The following KCNQ5 variants were observed in gnomAD, a reference collection of about 807,000 sequenced individuals.
The protein encoded by KCNQ5 is potassium voltage-gated channel subfamily KQT member 5.
KCNQ5 carries 30 observed loss-of-function variants against 98.2 expected under a neutral mutation model. The ratio of observed to expected loss-of-function variants is 0.31; its 90% CI spans 0.23 to 0.41. The LOEUF (loss-of-function observed/expected upper bound fraction) is 0.41. KCNQ5 is among the 10% of genes least tolerant of loss of function. The pLI is 1.00. For synonymous variants in KCNQ5, 458 were observed against 449.4 expected (o/e 1.02, Z -0.24); for missense variants, 835 against 1,182.5 (o/e 0.71, Z 4.31).
intron 1 of KCNQ5, among the ~76,000 whole-genome samples, chr6:72,926,163 G>A (rs990883905): frequency 6.6e-6 from 1 of 152,030 alleles, no homozygotes; most frequent in Non-Finnish European, 1.5e-5. Context: ...GCCTTCAGGG[G>A]TCCACCCTCA....
At chr6:73,168,026 T>TC (rs1777868721) in intron 10 of KCNQ5, among the ~76,000 whole-genome samples, 1 of 152,204 alleles carries the variant, frequency 6.6e-6, no homozygotes. Context: ...GGTAGTAGTT[T>TC]CATCTCTCTC....
chr6:72,741,904 G>T (rs567303774), intron 1 of KCNQ5, among the ~76,000 whole-genome samples: 6 of 152,264 alleles, frequency 3.9e-5, no homozygotes, highest in African/African-American at 1.2e-4. Context: ...TAACTCCATT[G>T]TCCCCTAAGT....
intron 1 of KCNQ5, among the ~76,000 whole-genome samples, chr6:72,920,291 CA>C (rs1017988449): frequency 2.0e-5 from 3 of 151,728 alleles, no homozygotes; most frequent in African/African-American, 7.3e-5. Flanking sequence ...GACACTATAT[CA>C]AAAAAAGGGG....
At chr6:72,778,380 A>T (rs1205324033) in intron 1 of KCNQ5, among the ~76,000 whole-genome samples, 1 of 152,008 alleles carries the variant, frequency 6.6e-6, no homozygotes, top group East Asian at 1.9e-4. Context: ...CTACCAAAAA[A>T]TATAAAAATT....
chr6:72,688,935 A>G (rs2154474150), intron 1 of KCNQ5, among the ~76,000 whole-genome samples: 1 of 152,330 alleles, frequency 6.6e-6, no homozygotes, highest in East Asian at 1.9e-4. Context: ...TTCATGTCAA[A>G]ACAGAGCACA....
intron 1 of KCNQ5, among the ~76,000 whole-genome samples, chr6:72,948,955 T>C (rs1766671812): frequency 6.6e-6 from 1 of 152,210 alleles, no homozygotes; most frequent in Non-Finnish European, 1.5e-5. Context: ...AAAAACACTT[T>C]TTTTATTTTT....
intron 1 of KCNQ5, among the ~76,000 whole-genome samples, chr6:72,880,060 T>C (rs541281930): frequency 1.9e-4 from 29 of 152,270 alleles, no homozygotes; most frequent in African/African-American, 6.0e-4. Context: ...CTCCATATGA[T>C]AATCAAATCA....
chr6:72,868,358 C>CTCATGAAAATCATTAT (rs1778076185), intron 1 of KCNQ5, among the ~76,000 whole-genome samples: 1 of 152,162 alleles, frequency 6.6e-6, no homozygotes, highest in African/African-American at 2.4e-5. Flanking sequence ...ATAAAATCAG[C>CTCATGAAAATCATTAT]TTCCTCAAAA....
At chr6:72,851,982 G>A (rs1391264090) in intron 1 of KCNQ5, among the ~76,000 whole-genome samples, 3 of 151,966 alleles carry the variant, frequency 2.0e-5, no homozygotes, top group Admixed American at 2.0e-4. Context: ...ATAGTTCACT[G>A]CATATATAAC....
intron 3 of KCNQ5, among the ~76,000 whole-genome samples, chr6:73,072,753 C>G (rs953664831): frequency 6.6e-6 from 1 of 152,136 alleles, no homozygotes; most frequent in East Asian, 1.9e-4. Context: ...AATTAGTGAA[C>G]CTACTTCCTA....
At position 73,163,619 on chromosome 6, in the gene KCNQ5, G is replaced by A. The variant is rs2150496799; in HGVS notation, c.1469-6127G>A. The stretch of plus-strand genomic sequence containing the variant: ...AAAAATTAGCTGGGCATGGTGGCAG[G>A]CACCCGTAATCCCAGCTACTTGGGA... On this transcript the variant is annotated intron_variant, in intron 10 of 13. Transcript: ENST00000370398. Among the ~76,000 whole-genome samples, 3 of 152,268 alleles carry A rather than the reference G, an allele frequency of 2.0e-5. 1 individual carries two copies. In the South Asian group the frequency reaches 6.2e-4, roughly 32 times the overall value.
At chr6:72,688,810 A>T (rs1236317770) in intron 1 of KCNQ5, among the ~76,000 whole-genome samples, 1 of 152,216 alleles carries the variant, frequency 6.6e-6, no homozygotes, top group Non-Finnish European at 1.5e-5. Context: ...AATGTCTATG[A>T]TTGCAAGAAA....
intron 1 of KCNQ5, among the ~76,000 whole-genome samples, chr6:72,730,134 G>T (rs1770485388): frequency 6.6e-6 from 1 of 152,112 alleles, no homozygotes; most frequent in African/African-American, 2.4e-5. Context: ...TGTAGCCTGG[G>T]TGACAGAGCA....
intron 1 of KCNQ5, among the ~76,000 whole-genome samples, chr6:72,989,668 C>A (rs1385446480): frequency 4.9e-3 from 1 of 204 alleles, no homozygotes; most frequent in African/African-American, 0.012. Flanking sequence ...TAATTAGATC[C>A]CATTTGTCAA....
chr6:72,833,120 A>G (rs1000851329), intron 1 of KCNQ5, among the ~76,000 whole-genome samples: 1 of 152,228 alleles, frequency 6.6e-6, no homozygotes, highest in African/African-American at 2.4e-5. Context: ...TGGAACAATA[A>G]GTACATGTGA....
At chr6:72,964,716 A>G (rs9446794) in intron 1 of KCNQ5, among the ~76,000 whole-genome samples, 7,999 of 152,196 alleles carry the variant, frequency 0.053, 712 homozygotes, top group African/African-American at 0.18. Flanking sequence ...CATGTTTGCA[A>G]ATTTGCTAAC....
In KCNQ5 at chr6:72,639,441, A is replaced by T. The variant is rs558698640; in HGVS notation, c.398+16854A>T. Among the ~76,000 whole-genome samples the T allele has an allele frequency of 5.3e-4, 80 of 152,284 alleles. 1 individual carries two copies. The highest frequency in any genetic ancestry group is 1.8e-3 in the African/African-American group (76 of 41,576). On this transcript the variant is annotated intron_variant, in intron 1 of 13. Coordinates refer to ENST00000370398, the MANE Select transcript of KCNQ5 (RefSeq NM_019842.4). Reference sequence around the variant, plus strand: ...GACATCCAATTTCACAGGAAACATGATGTCCTGGAAAAAAAGGCCAGAACA... The same window carrying T: ...GACATCCAATTTCACAGGAAACATGTTGTCCTGGAAAAAAAGGCCAGAACA...
intron 2 of KCNQ5, among the ~76,000 whole-genome samples, chr6:73,018,084 G>C (rs1386773549): frequency 2.6e-5 from 4 of 152,130 alleles, no homozygotes; most frequent in Non-Finnish European, 5.9e-5. Context: ...TATTATGTTG[G>C]AGGAGTGTTA....
At chr6:73,097,719 C>T (rs1459973418) in intron 5 of KCNQ5, among the ~76,000 whole-genome samples, 1 of 152,118 alleles carries the variant, frequency 6.6e-6, no homozygotes. Context: ...AGAGTTTTTG[C>T]CCAGTAATCC....
Sources: allele counts gnomAD v4.1 joint callset (sites outside exome capture counted in the v4.1 genomes callset), GRCh38; gene constraint gnomAD v4.1.1; transcripts MANE v1.5; gene names NCBI Gene and HGNC (gene_info 2026-07-23, HGNC 2026-07-21).